DPRX: variants seen among roughly 807,000 people sequenced by gnomAD.
DPRX encodes the protein divergent paired-related homeobox.
DPRX carries 11 observed loss-of-function variants against 8.4 expected under a neutral mutation model. The observed-to-expected ratio is 1.31, with a 90% CI of 0.82 to 2.17. The LOEUF (loss-of-function observed/expected upper bound fraction) is 2.17, where lower values mean the gene tolerates loss of function less well. Ranked by LOEUF, DPRX falls within the 30% of genes most tolerant of loss-of-function variation. The probability of loss-of-function intolerance (pLI) is 0.00; values close to 1 mark genes in which losing one functional copy is unlikely to be tolerated. For synonymous variants in DPRX, 72 were observed against 87.0 expected, an observed-to-expected ratio of 0.83 and a Z score of 0.96; for missense variants, 211 against 236.7, an observed-to-expected ratio of 0.89 and a Z score of 0.71.
the DPRX span, among the ~76,000 whole-genome samples, chr19:53,626,201 A>G: frequency 6.6e-6 from 1 of 151,940 alleles, no homozygotes; most frequent in Non-Finnish European, 1.5e-5. Flanking sequence ...GCTTCCCAAA[A>G]TGCTGGGAAT....
chr19:53,636,638 T>G (rs777746040), exon 3 of DPRX: 1 of 1,613,818 alleles, frequency 6.2e-7, no homozygotes, highest in Non-Finnish European at 8.5e-7. Flanking sequence ...GAAAGCGAAA[T>G]GCAAGCATAT....
upstream of DPRX, among the ~76,000 whole-genome samples, chr19:53,631,771 A>G (rs2091093609): frequency 6.6e-6 from 1 of 152,074 alleles, no homozygotes; most frequent in Admixed American, 6.6e-5. Context: ...AAGAAAAAGA[A>G]AAAAAGAAAA....
chr19:53,618,708 A>G, the DPRX span, among the ~76,000 whole-genome samples: 1 of 140,250 alleles, frequency 7.1e-6, no homozygotes, highest in Non-Finnish European at 1.5e-5. Flanking sequence ...TTTTGGACGG[A>G]GACTTGCTCT....
the DPRX span, chr19:53,617,034 C>G: frequency 8.2e-7 from 1 of 1,221,624 alleles, no homozygotes; most frequent in Admixed American, 1.7e-5. Flanking sequence ...TCTTGGCCTA[C>G]AGAGTAAGTG....
chr19:53,618,107 C>T, the DPRX span, among the ~76,000 whole-genome samples: 1 of 149,428 alleles, frequency 6.7e-6, no homozygotes, highest in Non-Finnish European at 1.5e-5. Flanking sequence ...GCTGCCACTG[C>T]ACTCCAGCCT....
chr19:53,612,532 C>T, the DPRX span, among the ~76,000 whole-genome samples: 270 of 152,034 alleles, frequency 1.8e-3, 1 homozygote, highest in African/African-American at 6.4e-3. Context: ...CATGGTGAAA[C>T]CTCGTCTCTA....
At chr19:53,615,668 T>A in the DPRX span, among the ~76,000 whole-genome samples, 4 of 152,304 alleles carry the variant, frequency 2.6e-5, no homozygotes, top group East Asian at 7.7e-4. Context: ...TAGTTTCTTC[T>A]GATTAATATA....
the DPRX span, chr19:53,616,691 T>C: frequency 1.2e-6 from 1 of 867,346 alleles, no homozygotes; most frequent in East Asian, 2.8e-5. Context: ...TAGGCAGAGG[T>C]TGCAATGAGC....
chr19:53,635,772 A>G (rs1233125534), intron 2 of DPRX, among the ~76,000 whole-genome samples: 1 of 152,012 alleles, frequency 6.6e-6, no homozygotes, highest in African/African-American at 2.4e-5. Flanking sequence ...TTTTTTCTCA[A>G]CCATTTTAAA....
At chr19:53,625,579 C>T in the DPRX span, among the ~76,000 whole-genome samples, 1 of 152,088 alleles carries the variant, frequency 6.6e-6, no homozygotes. Context: ...CTGTGGTGAG[C>T]ACTCCCTGGA....
chr19:53,632,049 T>G (rs971478951), upstream of DPRX: 39 of 1,611,792 alleles, frequency 2.4e-5, no homozygotes, highest in Non-Finnish European at 3.3e-5. Flanking sequence ...AATCCGGATT[T>G]GATCTTTGCT....
the DPRX span, among the ~76,000 whole-genome samples, chr19:53,608,812 G>T: frequency 0.22 from 34,018 of 151,342 alleles, 4,000 homozygotes; most frequent in South Asian, 0.33. Context: ...AAAATTAGCC[G>T]GGCATGGTGG....
the DPRX span, among the ~76,000 whole-genome samples, chr19:53,621,629 C>T: frequency 6.6e-6 from 1 of 151,802 alleles, no homozygotes; most frequent in Non-Finnish European, 1.5e-5. Flanking sequence ...AACGCTAATA[C>T]AAAAAATTAG....
the DPRX span, among the ~76,000 whole-genome samples, chr19:53,609,211 T>C: frequency 6.6e-6 from 1 of 151,828 alleles, no homozygotes; most frequent in African/African-American, 2.4e-5. Context: ...CTCACACCTG[T>C]AATCCCAGCA....
At chr19:53,624,922 G>A in the DPRX span, among the ~76,000 whole-genome samples, 1 of 151,790 alleles carries the variant, frequency 6.6e-6, no homozygotes, top group African/African-American at 2.4e-5. Flanking sequence ...CCGGTGGTAT[G>A]GTCACAGAAA....
the DPRX span, among the ~76,000 whole-genome samples, chr19:53,625,062 CTT>C: frequency 7.2e-4 from 86 of 120,254 alleles, 1 homozygote; most frequent in African/African-American, 2.3e-3. Flanking sequence ...TCATCATGGG[CTT>C]TTTTTTTTTT....
chr19:53,607,572 G>T, the DPRX span, among the ~76,000 whole-genome samples: 730 of 151,806 alleles, frequency 4.8e-3, 4 homozygotes, highest in Non-Finnish European at 6.4e-3. Flanking sequence ...TTTAGGCTGG[G>T]AGCAGTGAGT....
chr19:53,627,040 A>G, the DPRX span, among the ~76,000 whole-genome samples: 1 of 152,074 alleles, frequency 6.6e-6, no homozygotes, highest in Admixed American at 6.6e-5. Flanking sequence ...TCTTTAGGAC[A>G]CCAATTTAAT....
the DPRX span, among the ~76,000 whole-genome samples, chr19:53,605,463 G>A: frequency 6.7e-5 from 10 of 149,850 alleles, no homozygotes; most frequent in Middle Eastern, 3.5e-3. Flanking sequence ...AGCAAGCTCC[G>A]CCTCCCACAG....
Sources: gnomAD v4.1 joint callset for allele counts (sites outside exome capture counted in the v4.1 genomes callset) on GRCh38, gnomAD v4.1.1 for gene constraint, MANE v1.5 for transcripts, NCBI Gene and HGNC (gene_info 2026-07-23, HGNC 2026-07-21) for gene names.